EQTN: variants seen among roughly 807,000 people sequenced by gnomAD.
The protein encoded by EQTN is Acrosome formation associated factor.
Under a neutral mutation model 26.9 loss-of-function variants are expected in EQTN, and 29 were observed. The ratio of observed to expected loss-of-function variants is 1.08; its 90% confidence interval spans 0.80 to 1.47. EQTN has a LOEUF of 1.47. EQTN is among the 40% of genes most tolerant of loss of function. The pLI is 0.00. For synonymous variants in EQTN, 129 were observed against 120.0 expected (o/e 1.07, Z -0.49); for missense variants, 391 against 346.1 (o/e 1.13, Z -1.03).
chr9:27,287,736 G>A (rs1042596679), intron 6 of EQTN, among the ~76,000 whole-genome samples: 2 of 152,162 alleles, frequency 1.3e-5, no homozygotes, highest in South Asian at 2.1e-4. Flanking sequence ...TTTATAAAAT[G>A]AGCCAGCATT....
At position 27,297,129 on chromosome 9, in the gene EQTN, C is replaced by T; in HGVS notation, c.-74G>A. 2.0e-6 allele frequency: 2 copies of T among 1,000,762 alleles called. No individual in the cohort carries two copies. The highest frequency in any genetic ancestry group is 1.5e-5 in the South Asian group (1 of 68,074). 62.0% of individuals were successfully genotyped at this position (1,000,762 alleles called of 1,614,324 possible). On this transcript the variant is annotated 5_prime_UTR_variant, in exon 1 of 8. Coordinates refer to ENST00000380032, the MANE Select transcript of EQTN (RefSeq NM_020641.3). The stretch of plus-strand genomic sequence containing the variant: ...CCTCCTTTCTGTGGCCCAGCAGGTC[C>T]TGTGTCTAACTAGGACATTATGACA...
At chr9:27,295,817 G>C (rs1450814248) in intron 2 of EQTN, among the ~76,000 whole-genome samples, 1 of 116,762 alleles carries the variant, frequency 8.6e-6, no homozygotes, top group African/African-American at 3.5e-5. Context: ...GGGCGACAGC[G>C]CGAGACTCCG....
chr9:27,288,570 G>A (rs1820165951), intron 6 of EQTN, among the ~76,000 whole-genome samples: 1 of 152,100 alleles, frequency 6.6e-6, no homozygotes, highest in South Asian at 2.1e-4. Context: ...GCACACAAGT[G>A]TTTACAATAG....
At chr9:27,286,489 C>T in intron 6 of EQTN, 127 bp from the exon 7 acceptor site, 1 of 876,956 alleles carries the variant, frequency 1.1e-6, no homozygotes, top group Non-Finnish European at 1.7e-6. Context: ...GCCGGTCTCC[C>T]ATCCCGCAGG....
Position 27,284,819 on chromosome 9 carries a change from T to C in EQTN, c.789A>G (p.Ser263=), listed in dbSNP as rs376487548. 3.1e-6 allele frequency: 5 copies of C among 1,614,074 alleles called. No homozygotes were observed. In the African/African-American group the frequency reaches 5.3e-5, roughly 17 times the overall value. The change falls in exon 8 of 8, where the codon TCA becomes TCG. Residue 263 remains serine, a synonymous_variant. Transcript: ENST00000380032. ...TCTTAGATTCTGATGTTCTTGTGCC[T>C]GATCTTCTCATATCTGAAGAAGTGG... The part of the protein sequence containing the change: ...LGTTSSDMRR[S]GTRTSESKIM...
rs777264631 is a variant in EQTN, at chr9:27,284,703, C to T, written c.*20G>A. ...TATTTATTCATCAATAAGATTTCTT[C>T]ACCGGGTTCCTTGATTTCTTCACCG... is the stretch of plus-strand genomic sequence containing the variant. On this transcript the variant is annotated 3_prime_UTR_variant, in exon 8 of 8. Coordinates refer to ENST00000380032, the MANE Select transcript of EQTN (RefSeq NM_020641.3). 1.3e-6 allele frequency: 2 copies of T among 1,599,506 alleles called. No homozygotes were observed. Among genetic ancestry groups the T allele is most frequent in the Non-Finnish European group, 8.5e-7 (1 of 1,173,458 alleles).
Position 27,296,265 on chromosome 9 carries a change from G to T in EQTN, c.202+348C>A, listed in dbSNP as rs947908790. On this transcript the variant is annotated intron_variant, in intron 2 of 7. Transcript: ENST00000380032. ...GCTGGCTGCAGTGAGCCATGGTCGT[G>T]CCACTGCACTCCAGCCTGGGTGACA... 2.0e-5 allele frequency among the ~76,000 whole-genome samples: 3 copies of T among 152,296 alleles called. 1 individual carries two copies. The South Asian group carries it at 6.2e-4, about 32-fold the overall frequency.
intron 3 of EQTN, 70 bp from the exon 4 acceptor site, chr9:27,292,557 T>TAAAA: frequency 2.2e-5 from 19 of 844,512 alleles, no homozygotes; most frequent in Non-Finnish European, 3.4e-5. Context: ...AGATATTTTT[T>TAAAA]AATATCTATT....
intron 6 of EQTN, among the ~76,000 whole-genome samples, chr9:27,288,787 T>G (rs1341560187): frequency 6.6e-6 from 1 of 152,124 alleles, no homozygotes; most frequent in African/African-American, 2.4e-5. Flanking sequence ...TCCAACTATA[T>G]GACATTCTAG....
chr9:27,295,605 G>A (rs1053160509), intron 2 of EQTN, among the ~76,000 whole-genome samples: 5 of 152,000 alleles, frequency 3.3e-5, no homozygotes, highest in African/African-American at 9.7e-5. Flanking sequence ...AGGCCGAGGC[G>A]GGCGGATCAC....
intron 3 of EQTN, 102 bp from the exon 4 acceptor site, chr9:27,292,589 GA>G: frequency 1.7e-6 from 1 of 601,134 alleles, no homozygotes; most frequent in Non-Finnish European, 2.8e-6. Context: ...ATGGAACAAA[GA>G]AAAGGAGAGA....
At position 27,297,068 on chromosome 9, in the gene EQTN, G is replaced by C; in HGVS notation, c.-13C>G. 2 of 1,587,358 alleles carry C rather than the reference G, an allele frequency of 1.3e-6. No homozygotes were observed. Among genetic ancestry groups the C allele is most frequent in the South Asian group, 2.2e-5 (2 of 89,792 alleles). On this transcript the variant is annotated 5_prime_UTR_variant, in exon 1 of 8. Transcript: ENST00000380032. ...ATATAAAATTCATTGGGAAATTGAA[G>C]TGATTTATCCAGTAATCTAGTGCGT... is the stretch of plus-strand genomic sequence containing the variant.
At chr9:27,285,179 C>G (rs1820095169) in intron 7 of EQTN, among the ~76,000 whole-genome samples, 1 of 108,810 alleles carries the variant, frequency 9.2e-6, no homozygotes, top group African/African-American at 3.6e-5. Context: ...GAATCTCACT[C>G]TATCTCCAGG....
At chr9:27,288,955 G>A (rs1283321012) in intron 6 of EQTN, among the ~76,000 whole-genome samples, 1 of 152,140 alleles carries the variant, frequency 6.6e-6, no homozygotes, top group Non-Finnish European at 1.5e-5. Context: ...TTATGCATTT[G>A]TCAAAACCCA....
rs762813054 is a variant in EQTN, at chr9:27,294,343, T to C, written c.262A>G (p.Thr88Ala). 29 of 1,610,348 alleles carry C rather than the reference T, an allele frequency of 1.8e-5. No homozygotes were observed. In the African/African-American group the frequency reaches 2.9e-4, roughly 16 times the overall value. The change falls in exon 3 of 8, where the codon ACT becomes GCT. Residue 88 changes from threonine (T) to alanine (A), a missense_variant. By Grantham distance (58) the Thr-to-Ala change is moderately conservative. Coordinates refer to ENST00000380032, the MANE Select transcript of EQTN (RefSeq NM_020641.3). ...TTTTTTAGAGCAAAATTCAGGTCAGTTGTGGCTCTCACAGATATTTCAGAC... is the reference window on the plus strand; with the variant it reads ...TTTTTTAGAGCAAAATTCAGGTCAGCTGTGGCTCTCACAGATATTTCAGAC... ...TESEISVRATTDLNFALKNDK... is the reference protein window; with the variant it reads ...TESEISVRATADLNFALKNDK...
At position 27,287,871 on chromosome 9, in the gene EQTN, T is replaced by G. The variant is rs1820153479; in HGVS notation, c.482-1509A>C. On this transcript the variant is annotated intron_variant, in intron 6 of 7. Transcript: ENST00000380032. Reference sequence around the variant, plus strand: ...GAGTGCAGTGTGCAGTGGCACAATCTTAGCTCACTGCAACCTCTGCCTCCC... The same window carrying G: ...GAGTGCAGTGTGCAGTGGCACAATCGTAGCTCACTGCAACCTCTGCCTCCC... Among the ~76,000 whole-genome samples the G allele has an allele frequency of 1.3e-5, 2 of 152,192 alleles. 1 individual carries two copies. The highest frequency in any genetic ancestry group is 4.8e-5 in the African/African-American group (2 of 41,454).
intron 1 of EQTN, 37 bp downstream of exon 1, chr9:27,296,943 C>G: frequency 6.3e-7 from 1 of 1,599,236 alleles, no homozygotes; most frequent in Non-Finnish European, 8.5e-7. Context: ...ATCCTTCTTA[C>G]CTACTATTTT....
At chr9:27,285,288 C>A (rs895251261) in intron 7 of EQTN, among the ~76,000 whole-genome samples, 1 of 151,840 alleles carries the variant, frequency 6.6e-6, no homozygotes, top group African/African-American at 2.4e-5. Flanking sequence ...GGACTACAGG[C>A]ATGCGCCACT....
intron 3 of EQTN, among the ~76,000 whole-genome samples, chr9:27,293,390 T>G (rs1820276728): frequency 1.3e-5 from 2 of 152,170 alleles, no homozygotes; most frequent in East Asian, 3.8e-4. Context: ...GGGACTATAC[T>G]TAAGCAAGCA....
Sources: allele counts gnomAD v4.1 joint callset (sites outside exome capture counted in the v4.1 genomes callset), GRCh38; gene constraint gnomAD v4.1.1; transcripts MANE v1.5; gene names NCBI Gene and HGNC (gene_info 2026-07-23, HGNC 2026-07-21).